STAU2: variants seen among roughly 807,000 people sequenced by gnomAD.
STAU2 encodes the protein double-stranded RNA-binding protein Staufen homolog 2.
Under a neutral mutation model 65.9 loss-of-function variants are expected in STAU2, and 20 were observed. The ratio of observed to expected loss-of-function variants is 0.30; its 90% CI spans 0.21 to 0.44. STAU2 has a LOEUF of 0.44. Among genes scored for constraint, STAU2 ranks in the 20% least tolerant of loss-of-function variants. The pLI is 1.00. For missense variants in STAU2, 558 were observed against 683.9 expected, an observed-to-expected ratio of 0.82 and a Z score of 2.05; for synonymous variants, 232 against 233.9, an observed-to-expected ratio of 0.99 and a Z score of 0.07.
chr8:73,629,309 T>G (rs1322250073), intron 6 of STAU2, among the ~76,000 whole-genome samples: 1 of 152,224 alleles, frequency 6.6e-6, no homozygotes, highest in South Asian at 2.1e-4. Flanking sequence ...TTGAGTTATA[T>G]TTCTACAGGA....
chr8:73,624,033 T>C (rs1389462888), intron 6 of STAU2, among the ~76,000 whole-genome samples: 1 of 152,152 alleles, frequency 6.6e-6, no homozygotes, highest in East Asian at 1.9e-4. Context: ...TAGAAAGATA[T>C]GCACTAAAAG....
At chr8:73,567,303 T>A (rs1239524210) in intron 12 of STAU2, among the ~76,000 whole-genome samples, 1 of 151,680 alleles carries the variant, frequency 6.6e-6, no homozygotes, top group Non-Finnish European at 1.5e-5. Context: ...AGGTTGGGAG[T>A]TTGAGACTAG....
At chr8:73,527,572 G>T in intron 13 of STAU2, 1 of 618,454 alleles carries the variant, frequency 1.6e-6, no homozygotes, top group Non-Finnish European at 2.7e-6. Context: ...AGCAGATGGT[G>T]CTAGCAGATA....
At chr8:73,440,408 C>G (rs1440857680) in intron 13 of STAU2, 1 of 152,250 alleles carries the variant, frequency 6.6e-6, no homozygotes, top group Admixed American at 6.5e-5. Context: ...CATCCCCAAA[C>G]CACTCTTCCC....
rs576719807 is a variant in STAU2, at chr8:73,740,490, T to C, written c.-196-622A>G. ...ACATTTATATTTTCAATTCAAAAAA[T>C]GAGATTATTCACAAGTGTAGCATTA... On this transcript the variant is annotated intron_variant, in intron 1 of 14. Coordinates refer to ENST00000524300, the MANE Select transcript of STAU2 (RefSeq NM_001164380.2). Among the ~76,000 whole-genome samples the C allele has an allele frequency of 2.0e-5, 3 of 152,260 alleles. No individual in the cohort carries two copies. The East Asian group carries it at 5.8e-4, about 29-fold the overall frequency.
chr8:73,552,850 A>G (rs945842092), intron 12 of STAU2, among the ~76,000 whole-genome samples: 1 of 152,166 alleles, frequency 6.6e-6, no homozygotes, highest in Non-Finnish European at 1.5e-5. Context: ...ACGAACACAT[A>G]AAAAAGCAAA....
Position 73,603,742 on chromosome 8 carries a change from C to T in STAU2, c.1013G>A (p.Arg338Gln), listed in dbSNP as rs756107595. The T allele has an allele frequency of 5.0e-6, 8 of 1,610,374 alleles. No individual in the cohort carries two copies. The highest frequency in any genetic ancestry group is 2.3e-4 in the Middle Eastern group (1 of 4,428). ...LLSERGMPRR[R>Q]EFVMQVKVGN... ...TAGAAATACCTGCATCACAAATTCT[C>T]GACGTCGAGGCATTCCTCTTTCTGA... Residue 338 changes from arginine (R) to glutamine (Q), a missense_variant, in exon 10 of 15, where the codon CGA (arginine) becomes CAA (glutamine). By Grantham distance (43) the Arg-to-Gln change is conservative. Transcript: ENST00000524300.
At chr8:73,745,220 A>G (rs1807187987) in intron 1 of STAU2, among the ~76,000 whole-genome samples, 1 of 152,282 alleles carries the variant, frequency 6.6e-6, no homozygotes, top group East Asian at 1.9e-4. Flanking sequence ...AAATGCAGCA[A>G]TCTACAATTA....
intron 1 of STAU2, among the ~76,000 whole-genome samples, chr8:73,741,571 A>C (rs1369138172): frequency 6.7e-6 from 1 of 150,266 alleles, no homozygotes; most frequent in East Asian, 2.0e-4. Context: ...GGAGTGCAAC[A>C]GCTCAATCTC....
At chr8:73,551,920 T>C in intron 13 of STAU2, 92 bp downstream of exon 13, 1 of 1,439,158 alleles carries the variant, frequency 6.9e-7, no homozygotes, top group Non-Finnish European at 9.2e-7. Context: ...TAGGCCATAC[T>C]AGCAGGCAAG....
Position 73,699,687 on chromosome 8 carries a change from A to C in STAU2, c.114+9345T>G, listed in dbSNP as rs1819945006. ...TCAAAGCAGTAATGAAAAGCTTCCC[A>C]GTAAAGAAAAGGCCAGGACCCAACA... On this transcript the variant is annotated intron_variant, in intron 4 of 14. Transcript: ENST00000524300. 2.6e-5 allele frequency among the ~76,000 whole-genome samples: 4 copies of C among 152,082 alleles called. No homozygotes were observed. In the South Asian group the frequency reaches 8.3e-4, roughly 31 times the overall value.
intron 11 of STAU2, among the ~76,000 whole-genome samples, 183 bp from the exon 12 acceptor site, chr8:73,583,013 T>A (rs185244557): frequency 2.0e-4 from 30 of 152,354 alleles, no homozygotes; most frequent in African/African-American, 7.0e-4. Context: ...CATTTATTCC[T>A]TTTCTGCACC....
intron 6 of STAU2, among the ~76,000 whole-genome samples, chr8:73,634,324 T>C (rs1586162860): frequency 6.6e-6 from 1 of 152,182 alleles, no homozygotes; most frequent in African/African-American, 2.4e-5. Context: ...GGTCAAGAGA[T>C]TGAGACCATC....
At chr8:73,458,211 G>C (rs1819168717) in intron 13 of STAU2, among the ~76,000 whole-genome samples, 1 of 152,118 alleles carries the variant, frequency 6.6e-6, no homozygotes, top group African/African-American at 2.4e-5. Flanking sequence ...ATTGGTCCTA[G>C]GATTGACTTG....
intron 9 of STAU2, among the ~76,000 whole-genome samples, chr8:73,606,178 C>A (rs1251231375): frequency 1.3e-5 from 2 of 151,382 alleles, no homozygotes; most frequent in Admixed American, 1.3e-4. Flanking sequence ...AGATATAACA[C>A]CAAAATCACG....
intron 13 of STAU2, among the ~76,000 whole-genome samples, chr8:73,548,102 A>G (rs1364151303): frequency 6.6e-6 from 1 of 152,116 alleles, no homozygotes; most frequent in Non-Finnish European, 1.5e-5. Flanking sequence ...GGGGTCCTAG[A>G]ACCAATCCTT....
intron 1 of STAU2, among the ~76,000 whole-genome samples, chr8:73,746,156 C>G (rs1807258808): frequency 6.6e-6 from 1 of 152,100 alleles, no homozygotes; most frequent in African/African-American, 2.4e-5. Flanking sequence ...CTCGGCCCCA[C>G]CTACCCTCCC....
chr8:73,689,862 T>C (rs1311171198), intron 4 of STAU2, among the ~76,000 whole-genome samples: 1 of 152,060 alleles, frequency 6.6e-6, no homozygotes. Context: ...GAGAAGTATA[T>C]ATCAACAACC....
intron 13 of STAU2, among the ~76,000 whole-genome samples, chr8:73,499,400 T>G (rs1340173305): frequency 1.3e-5 from 2 of 151,734 alleles, no homozygotes; most frequent in Non-Finnish European, 2.9e-5. Flanking sequence ...GATAAAGCCT[T>G]GAGCACAACA....
Sources: gnomAD v4.1 joint callset for allele counts (sites outside exome capture counted in the v4.1 genomes callset) on GRCh38, gnomAD v4.1.1 for gene constraint, MANE v1.5 for transcripts, NCBI Gene and HGNC (gene_info 2026-07-23, HGNC 2026-07-21) for gene names.